Variants in PRKN observed in about 807,000 individuals in gnomAD.
PRKN encodes the protein parkin RBR E3 ubiquitin protein ligase.
A neutral mutation model predicts 59.5 loss-of-function variants in PRKN; 56 were observed. The ratio of observed to expected loss-of-function variants is 0.94; its 90% CI spans 0.76 to 1.18. The LOEUF (loss-of-function observed/expected upper bound fraction) is 1.18, where lower values mean the gene tolerates loss of function less well. Ranked by LOEUF, PRKN falls within the 50% of genes most tolerant of loss-of-function variation. The pLI, the probability that PRKN is intolerant of heterozygous loss-of-function variation, is 0.00. For synonymous variants in PRKN, 250 were observed against 222.1 expected, an observed-to-expected ratio of 1.13 and a Z score of -1.12; for missense variants, 657 against 596.4, an observed-to-expected ratio of 1.10 and a Z score of -1.06.
chr6:161,517,760 A>AT (rs1778668683), intron 9 of PRKN, among the ~76,000 whole-genome samples: 1 of 150,478 alleles, frequency 6.6e-6, no homozygotes, highest in African/African-American at 2.4e-5. Context: ...AAAAAAAAAA[A>AT]AAAAAGAGTT....
At chr6:161,524,969 C>T (rs1778966009) in intron 9 of PRKN, among the ~76,000 whole-genome samples, 1 of 152,146 alleles carries the variant, frequency 6.6e-6, no homozygotes, top group African/African-American at 2.4e-5. Flanking sequence ...TGAAATTCTG[C>T]AGCCTGGTTT....
chr6:162,706,250 T>G (rs1473869926), intron 1 of PRKN, among the ~76,000 whole-genome samples: 1 of 151,524 alleles, frequency 6.6e-6, no homozygotes, highest in South Asian at 2.1e-4. Context: ...CTATTAGAAA[T>G]AGAAGAAACA....
chr6:162,139,532 G>A (rs1489751898), intron 4 of PRKN, among the ~76,000 whole-genome samples: 1 of 152,044 alleles, frequency 6.6e-6, no homozygotes, highest in African/African-American at 2.4e-5. Context: ...GAATCAGCAT[G>A]GCAGTATGAT....
chr6:162,446,323 G>C (rs1225559407), intron 1 of PRKN, among the ~76,000 whole-genome samples: 1 of 152,156 alleles, frequency 6.6e-6, no homozygotes, highest in Non-Finnish European at 1.5e-5. Flanking sequence ...GGGAAGAAGT[G>C]GCTGGAATTT....
At chr6:161,528,794 AC>A (rs1779101466) in intron 9 of PRKN, among the ~76,000 whole-genome samples, 1 of 152,138 alleles carries the variant, frequency 6.6e-6, no homozygotes, top group Non-Finnish European at 1.5e-5. Context: ...TGGGGAGGTG[AC>A]TTTTTGTCTT....
rs1782618641 is a variant in PRKN, at chr6:162,011,059, TA to T, written c.619-37643del. ...TAATATATATTTATAATATATATTA[TA>T]ATATATAATATATTTATAATATATA... is the stretch of plus-strand genomic sequence containing the variant. On this transcript the variant is annotated intron_variant, in intron 5 of 11. Coordinates refer to ENST00000366898, the MANE Select transcript of PRKN (RefSeq NM_004562.3). Among the ~76,000 whole-genome samples, 2 of 13,530 alleles carry T rather than the reference TA, an allele frequency of 1.5e-4. 1 individual carries two copies. Among genetic ancestry groups the T allele is most frequent in the South Asian group, 5.8e-3 (2 of 346 alleles). The allele number at this position is 13,530 out of a possible 152,430, so 8.9% of individuals were successfully genotyped here.
At chr6:162,343,786 T>G (rs574758197) in intron 2 of PRKN, among the ~76,000 whole-genome samples, 1 of 152,214 alleles carries the variant, frequency 6.6e-6, no homozygotes, top group African/African-American at 2.4e-5. Flanking sequence ...TATGCAAAAT[T>G]TAAACAGTTA....
At chr6:162,684,451 C>G (rs1311322429) in intron 1 of PRKN, among the ~76,000 whole-genome samples, 1 of 152,046 alleles carries the variant, frequency 6.6e-6, no homozygotes, top group African/African-American at 2.4e-5. Context: ...AATTTTATCA[C>G]CACAGCAATT....
chr6:162,414,726 A>AAAAAAAAAAAAAAAAAAAAAAAAAAAGT (rs34838356), intron 2 of PRKN, among the ~76,000 whole-genome samples: 4 of 91,870 alleles, frequency 4.4e-5, no homozygotes, highest in Admixed American at 1.2e-4. Context: ...AAAAAAAAAA[A>AAAAAAAAAAAAAAAAAAAAAAAAAAAGT]AGTGAATCTT....
rs1458284660 is a variant in PRKN, at chr6:161,518,364, A to C, written c.1083+30490T>G. Among the ~76,000 whole-genome samples the C allele has an allele frequency of 6.6e-6, 1 of 152,224 alleles. No homozygotes were observed. The highest frequency in any genetic ancestry group is 6.5e-5 in the Admixed American group (1 of 15,284). The stretch of plus-strand genomic sequence containing the variant: ...ACAGAATGTCCTGTGCAGGGAAAGC[A>C]GCAGAAGGGCCCAGAAACAGCCAGT... On this transcript the variant is annotated intron_variant, in intron 9 of 11. Coordinates refer to ENST00000366898, the MANE Select transcript of PRKN (RefSeq NM_004562.3). This position sits in a 1 kb window ranked among gnomAD's most constrained non-coding sequence, Gnocchi z 5.0.
intron 6 of PRKN, among the ~76,000 whole-genome samples, chr6:161,945,488 T>C (rs987657528): frequency 3.3e-5 from 5 of 152,174 alleles, no homozygotes; most frequent in Non-Finnish European, 5.9e-5. Context: ...TTGGGAAAAT[T>C]ATCATTCTGC....
chr6:161,491,746 T>C (rs1777566448), intron 9 of PRKN, among the ~76,000 whole-genome samples: 1 of 152,094 alleles, frequency 6.6e-6, no homozygotes, highest in Non-Finnish European at 1.5e-5. Context: ...TTCTCCTGCC[T>C]GAGCCTCCTG....
In PRKN at chr6:161,546,334, T is replaced by C. The variant is rs1779793195; in HGVS notation, c.1083+2520A>G. ...CCACAAGTAGTTTGTGAAGCCAGGG[T>C]TTGAACTTCACACATTCAACGCCAC... is the stretch of plus-strand genomic sequence containing the variant. On this transcript the variant is annotated intron_variant, in intron 9 of 11. Coordinates refer to ENST00000366898, the MANE Select transcript of PRKN (RefSeq NM_004562.3). The surrounding 1 kb of genome is among the most constrained non-coding windows in gnomAD (Gnocchi z 4.4). Among the ~76,000 whole-genome samples the C allele has an allele frequency of 6.6e-6, 1 of 151,952 alleles. No individual in the cohort carries two copies. The highest frequency in any genetic ancestry group is 6.6e-5 in the Admixed American group (1 of 15,260).
At position 161,896,434 on chromosome 6, in the gene PRKN, AATC is replaced by A. The variant is rs577443288; in HGVS notation, c.734+76865_734+76867del. 1.7e-3 allele frequency among the ~76,000 whole-genome samples: 266 copies of A among 152,280 alleles called. 1 individual carries two copies. The highest frequency in any genetic ancestry group is 6.2e-3 in the African/African-American group (259 of 41,546). ...TATCTCCCATCAACAACCATAGTGGAATCCATTCTTCCAGCCACACCTACCAAG... is the reference window on the plus strand; with the variant it reads ...TATCTCCCATCAACAACCATAGTGGACATTCTTCCAGCCACACCTACCAAG... On this transcript the variant is annotated intron_variant, in intron 6 of 11. Coordinates refer to ENST00000366898, the MANE Select transcript of PRKN (RefSeq NM_004562.3).
At chr6:162,313,722 G>C (rs900102069) in intron 2 of PRKN, among the ~76,000 whole-genome samples, 1 of 151,862 alleles carries the variant, frequency 6.6e-6, no homozygotes, top group East Asian at 1.9e-4. Flanking sequence ...CCTGACCTCA[G>C]GTAATCCACC....
intron 1 of PRKN, among the ~76,000 whole-genome samples, chr6:162,687,193 T>A (rs546358890): frequency 6.6e-6 from 1 of 150,710 alleles, no homozygotes; most frequent in African/African-American, 2.4e-5. Context: ...TTTTTCTTTT[T>A]TTTTTTTTTT....
At chr6:162,354,962 TA>T (rs555390268) in intron 2 of PRKN, among the ~76,000 whole-genome samples, 4 of 151,888 alleles carry the variant, frequency 2.6e-5, no homozygotes, top group African/African-American at 9.7e-5. Flanking sequence ...CTCAGTCAAT[TA>T]AAAAAATAAT....
chr6:161,689,502 A>C (rs912904941), intron 7 of PRKN, among the ~76,000 whole-genome samples: 2 of 152,188 alleles, frequency 1.3e-5, no homozygotes, highest in African/African-American at 4.8e-5. Flanking sequence ...TTAAAATAAA[A>C]GTGATTATTT....
chr6:162,283,412 A>G (rs1282795138), intron 2 of PRKN, among the ~76,000 whole-genome samples: 2 of 152,186 alleles, frequency 1.3e-5, no homozygotes, highest in Admixed American at 1.3e-4. Flanking sequence ...TTATGTCTTT[A>G]GAATTCTTTG....
Sources: allele counts gnomAD v4.1 joint callset (sites outside exome capture counted in the v4.1 genomes callset), GRCh38; gene constraint gnomAD v4.1.1; non-coding constraint Gnocchi (gnomAD v3.1); transcripts MANE v1.5; gene names NCBI Gene and HGNC (gene_info 2026-07-23, HGNC 2026-07-21).